The following ELL2 variants were observed in gnomAD, a reference collection of about 807,000 sequenced individuals.
The protein encoded by ELL2 is RNA polymerase II elongation factor ELL2.
ELL2 carries 21 observed loss-of-function variants against 72.8 expected under a neutral mutation model. That is an observed-to-expected ratio of 0.29 (90% confidence interval 0.20 to 0.42). ELL2 has a LOEUF of 0.42. ELL2 is among the 10% of genes least tolerant of loss of function. The pLI is 1.00. For missense variants in ELL2, 568 were observed against 772.8 expected, an observed-to-expected ratio of 0.73 and a Z score of 3.14; for synonymous variants, 266 against 283.2, an observed-to-expected ratio of 0.94 and a Z score of 0.61.
Position 95,927,373 on chromosome 5 carries a change from ACACACACACG to A in ELL2, c.196-7838_196-7829del, listed in dbSNP as rs1750327807. Among the ~76,000 whole-genome samples, 10 of 91,960 alleles carry A rather than the reference ACACACACACG, an allele frequency of 1.1e-4. 1 individual carries two copies. Among genetic ancestry groups the A allele is most frequent in the South Asian group, 8.6e-4 (2 of 2,322 alleles). The allele number at this position is 91,960 out of a possible 152,430, so 60.3% of individuals were successfully genotyped here. ...TGTGTATGTGTATATATAGACATAC[ACACACACACG>A]TGTGTATATATAGACATACACACAC... On this transcript the variant is annotated intron_variant, in intron 2 of 11. Coordinates refer to ENST00000237853, the MANE Select transcript of ELL2 (RefSeq NM_012081.6).
Position 95,918,964 on chromosome 5 carries a change from A to T in ELL2, c.317+460T>A, listed in dbSNP as rs577970277. ...GTTTCCATGCAGCTGTAGAATAAAG[A>T]TGTTTAAAAATCTACCTTCTACCTT... is the stretch of plus-strand genomic sequence containing the variant. On this transcript the variant is annotated intron_variant, in intron 3 of 11. Coordinates refer to ENST00000237853, the MANE Select transcript of ELL2 (RefSeq NM_012081.6). 7.5e-4 allele frequency among the ~76,000 whole-genome samples: 114 copies of T among 151,470 alleles called. 1 individual carries two copies. Among genetic ancestry groups the T allele is most frequent in the African/African-American group, 2.2e-3 (89 of 41,200 alleles).
intron 4 of ELL2, among the ~76,000 whole-genome samples, chr5:95,910,993 G>C (rs1749570583): frequency 6.6e-6 from 1 of 152,152 alleles, no homozygotes; most frequent in African/African-American, 2.4e-5. Context: ...TTCTTCATCG[G>C]GTGATTATGA....
In ELL2 at chr5:95,906,634, C is replaced by T. The variant is rs780660790; in HGVS notation, c.630G>A (p.Val210=). The part of the protein sequence containing the change: ...TISQRPYRDR[V]IHLLALKAYK... ...AGGCCTTCAGGGCCAGTAAGTGAAT[C>T]ACCCTGTCCCTGTATGGCCTCTGAG... The change falls in exon 5 of 12, where the codon GTG becomes GTA. Residue 210 remains valine (V), a synonymous_variant. Transcript: ENST00000237853. 10 of 1,613,952 alleles carry T rather than the reference C, an allele frequency of 6.2e-6. No homozygotes were observed. Among genetic ancestry groups the T allele is most frequent in the Non-Finnish European group, 8.5e-6 (10 of 1,179,970 alleles).
At chr5:95,922,454 C>T (rs956055646) in intron 2 of ELL2, among the ~76,000 whole-genome samples, 10 of 152,196 alleles carry the variant, frequency 6.6e-5, no homozygotes, top group African/African-American at 2.4e-4. Flanking sequence ...TGCAAATGTG[C>T]AGTGTTCTTT....
chr5:95,917,432 G>C (rs550595841), intron 3 of ELL2, among the ~76,000 whole-genome samples: 1 of 152,268 alleles, frequency 6.6e-6, no homozygotes, highest in East Asian at 1.9e-4. Context: ...TAGAAAAAGG[G>C]CATAAGAAAG....
chr5:95,900,500 G>A, intron 7 of ELL2, 193 bp downstream of exon 7: 2 of 451,880 alleles, frequency 4.4e-6, no homozygotes, highest in South Asian at 5.7e-5. Context: ...AAGCAGTGCT[G>A]TGTAGTGGAG....
intron 2 of ELL2, among the ~76,000 whole-genome samples, chr5:95,929,812 A>C (rs1580517979): frequency 1.3e-5 from 2 of 151,400 alleles, no homozygotes; most frequent in Non-Finnish European, 1.5e-5. Context: ...AAACAAAAAA[A>C]CCCCCACACA....
At position 95,913,846 on chromosome 5, in the gene ELL2, C is replaced by G. The variant is rs758422941; in HGVS notation, c.406G>C (p.Glu136Gln). ...ATNDSYQMTR[E>Q]RMTQAEEESR... is the part of the protein sequence containing the mutation. ...TCCTCCTCTGCCTGGGTCATTCTTT[C>G]TCGTGTCATCTGATACGAGTCGTTT... The change falls in exon 4 of 12, where the codon GAA becomes CAA. Residue 136 changes from glutamate (E) to glutamine (Q), a missense_variant. Physicochemically the swap from Glu to Gln is conservative, Grantham distance 29 (BLOSUM62 2). Coordinates refer to ENST00000237853, the MANE Select transcript of ELL2 (RefSeq NM_012081.6). The G allele has an allele frequency of 1.2e-6, 2 of 1,613,572 alleles. No homozygotes were observed. Among genetic ancestry groups the G allele is most frequent in the South Asian group, 2.2e-5 (2 of 91,028 alleles).
rs199699795 is a variant in ELL2, at chr5:95,888,996, G to GAAA, written c.1807-12_1807-10dup. On this transcript the variant is annotated splice_polypyrimidine_tract_variant and intron_variant, in intron 11 of 11. Coordinates refer to ENST00000237853, the MANE Select transcript of ELL2 (RefSeq NM_012081.6). ...TGGTAATTGGGACTAGACTGCAGAT[G>GAAA]AAAAAAAAAAAAAAAAAAGAGGAAT... The GAAA allele has an allele frequency of 1.2e-3, 1,543 of 1,254,566 alleles. No homozygotes were observed. The highest frequency in any genetic ancestry group is 4.3e-3 in the East Asian group (166 of 38,280). The allele number at this position is 1,254,566 out of a possible 1,614,324, so 77.7% of individuals were successfully genotyped here.
rs1311456516 is a variant in ELL2 at position 95,961,616 on chromosome 5, C to T, written c.106G>A (p.Glu36Lys). 6.2e-7 allele frequency: 1 copy of T among 1,606,854 alleles called. No individual in the cohort carries two copies. The highest frequency in any genetic ancestry group is 1.4e-5 in the African/African-American group (1 of 73,576). The change falls in exon 1 of 12, where the codon GAG becomes AAG. Residue 36 changes from glutamate to lysine, a missense_variant. Coordinates refer to ENST00000237853, the MANE Select transcript of ELL2 (RefSeq NM_012081.6). ...NITVLHVKLT[E>K]TAIRALETYQ... is the part of the protein sequence containing the mutation. Reference sequence around the variant, plus strand: ...GTCTCGAGCGCCCGGATCGCCGTCTCGGTGAGCTTCACATGCAGTACGGTG... The same window carrying T: ...GTCTCGAGCGCCCGGATCGCCGTCTTGGTGAGCTTCACATGCAGTACGGTG...
At chr5:95,947,458 A>T (rs571435977) in intron 1 of ELL2, among the ~76,000 whole-genome samples, 124 of 151,184 alleles carry the variant, frequency 8.2e-4, no homozygotes, top group African/African-American at 2.8e-3. Context: ...AACAAGAATA[A>T]TTTTTATTTA....
intron 2 of ELL2, among the ~76,000 whole-genome samples, chr5:95,936,066 A>G (rs1750762501): frequency 2.0e-5 from 3 of 152,248 alleles, no homozygotes. Context: ...AGAGAATGGA[A>G]TAGAACATAT....
At position 95,913,863 on chromosome 5, in the gene ELL2, G is replaced by A. The variant is rs1179954313; in HGVS notation, c.389C>T (p.Ser130Leu). The A allele has an allele frequency of 3.1e-6, 5 of 1,613,370 alleles. No homozygotes were observed. In the Admixed American group the frequency reaches 5.0e-5, roughly 16 times the overall value. ...DKITVCATNDSYQMTRERMTQ... is the reference protein window; with the variant it reads ...DKITVCATNDLYQMTRERMTQ... ...CATTCTTTCTCGTGTCATCTGATAC[G>A]AGTCGTTTGTTGCACACACTGTAAT... is the stretch of plus-strand genomic sequence containing the variant. The change falls in exon 4 of 12, where the codon TCG becomes TTG. Residue 130 changes from serine (S) to leucine (L), a missense_variant. Physicochemically the swap from Ser to Leu is moderately radical, Grantham distance 145 (BLOSUM62 -2). Around this residue, in one of 2 missense-constraint regions of ELL2, gnomAD observed 511 missense variants for 728.4 expected, o/e 0.70. Transcript: ENST00000237853.
chr5:95,901,766 C>A (rs1324646897), intron 5 of ELL2, among the ~76,000 whole-genome samples: 3 of 152,164 alleles, frequency 2.0e-5, no homozygotes, highest in Non-Finnish European at 4.4e-5. Flanking sequence ...TATCTCAGTG[C>A]ATGTGTCCAG....
chr5:95,960,846 G>A, intron 1 of ELL2, among the ~76,000 whole-genome samples: 1 of 151,926 alleles, frequency 6.6e-6, no homozygotes, highest in East Asian at 1.9e-4. Flanking sequence ...CGGTGTCCCG[G>A]AGTCCCTGGG....
At position 95,913,760 on chromosome 5, in the gene ELL2, T is replaced by G. The variant is rs373653146; in HGVS notation, c.481+11A>C. On this transcript the variant is annotated intron_variant, in intron 4 of 11. Coordinates refer to ENST00000237853, the MANE Select transcript of ELL2 (RefSeq NM_012081.6). Reference sequence around the variant, plus strand: ...TCAATCAGCAAGAGGAAGAAAGATATCTATACAAACCTACATATGGTCCAC... The same window carrying G: ...TCAATCAGCAAGAGGAAGAAAGATAGCTATACAAACCTACATATGGTCCAC... 1 of 1,583,148 alleles carries G rather than the reference T, an allele frequency of 6.3e-7. No individual in the cohort carries two copies. Among genetic ancestry groups the G allele is most frequent in the Admixed American group, 1.8e-5 (1 of 54,606 alleles).
chr5:95,954,634 G>A (rs1213740420), intron 1 of ELL2, among the ~76,000 whole-genome samples: 1 of 134,516 alleles, frequency 7.4e-6, no homozygotes, highest in Non-Finnish European at 1.5e-5. Context: ...TAGAGACAGG[G>A]TTTCACCGTG....
rs748612037 is a variant in ELL2, at chr5:95,895,665, T to C, written c.1552A>G (p.Met518Val). The change falls in exon 9 of 12, where the codon ATG becomes GTG. Residue 518 changes from methionine (M) to valine (V), a missense_variant. By Grantham distance (21) the Met-to-Val change is conservative. Around this residue, in one of 2 missense-constraint regions of ELL2, gnomAD observed 511 missense variants for 728.4 expected, o/e 0.70. Coordinates refer to ENST00000237853, the MANE Select transcript of ELL2 (RefSeq NM_012081.6). ...GGVKEDCTASMEPSAIELPDY... is the reference protein window; with the variant it reads ...GGVKEDCTASVEPSAIELPDY... ...GGGAGTTCAATTGCTGAAGGTTCCA[T>C]GGAGGCAGTGCAATCCTCTTTAACT... 11 of 1,614,144 alleles carry C rather than the reference T, an allele frequency of 6.8e-6. No individual in the cohort carries two copies. The East Asian group carries it at 2.5e-4, about 36-fold the overall frequency.
At chr5:95,907,286 A>ATTTT (rs1340260169) in intron 4 of ELL2, among the ~76,000 whole-genome samples, 1 of 80,212 alleles carries the variant, frequency 1.2e-5, no homozygotes, top group African/African-American at 7.3e-5. Flanking sequence ...TGATATATAT[A>ATTTT]TATATATATA....
Sources: gnomAD v4.1 joint callset for allele counts (sites outside exome capture counted in the v4.1 genomes callset) on GRCh38, gnomAD v4.1.1 for gene constraint, gnomAD v4.1.1 regional missense constraint, MANE v1.5 for transcripts, NCBI Gene and HGNC (gene_info 2026-07-23, HGNC 2026-07-21) for gene names.